Variants in NXN observed in about 807,000 individuals in gnomAD.
NXN encodes the protein nucleoredoxin 1.
A neutral mutation model predicts 48.6 loss-of-function variants in NXN; 16 were observed. The ratio of observed to expected loss-of-function variants is 0.33; its 90% CI spans 0.22 to 0.50. NXN has a LOEUF of 0.50. Among genes scored for constraint, NXN ranks in the 20% least tolerant of loss-of-function variants. The probability of loss-of-function intolerance (pLI) is 0.98; values close to 1 mark genes in which losing one functional copy is unlikely to be tolerated. For missense variants in NXN, 492 were observed against 605.5 expected (o/e 0.81, Z 1.97); for synonymous variants, 281 against 269.6 (o/e 1.04, Z -0.41).
At chr17:860,710 T>C (rs1206843565) in intron 1 of NXN, among the ~76,000 whole-genome samples, 1 of 152,246 alleles carries the variant, frequency 6.6e-6, no homozygotes, top group Non-Finnish European at 1.5e-5. Flanking sequence ...GTTTTGACTT[T>C]TGAACCTCGT....
intron 1 of NXN, among the ~76,000 whole-genome samples, chr17:834,075 T>G (rs1406349121): frequency 6.6e-6 from 1 of 152,156 alleles, no homozygotes; most frequent in Non-Finnish European, 1.5e-5. Flanking sequence ...ATCCCAGCAC[T>G]CTGGGGGGAC....
chr17:854,456 G>A (rs896105544), intron 1 of NXN, among the ~76,000 whole-genome samples: 4 of 148,488 alleles, frequency 2.7e-5, no homozygotes, highest in African/African-American at 1.0e-4. Flanking sequence ...AGACCATCCT[G>A]GCTAACACGG....
chr17:804,995 C>G (rs1303552236), intron 6 of NXN, 73 bp downstream of exon 6: 1 of 1,458,918 alleles, frequency 6.9e-7, no homozygotes, highest in Non-Finnish European at 9.4e-7. Context: ...CAGGGACAGG[C>G]TCCTCCCAAG....
intron 1 of NXN, among the ~76,000 whole-genome samples, chr17:839,825 G>A (rs372085623): frequency 1.1e-5 from 1 of 87,892 alleles, no homozygotes; most frequent in Non-Finnish European, 2.2e-5. Context: ...GGCCAGGCAC[G>A]GTGGCTCACA....
At chr17:848,174 G>A (rs1360442418) in intron 1 of NXN, among the ~76,000 whole-genome samples, 1 of 151,666 alleles carries the variant, frequency 6.6e-6, no homozygotes. Context: ...GTCCTGCCGT[G>A]TCGCCCACGC....
In NXN at chr17:895,608, C is replaced by T. The variant is rs544446727; in HGVS notation, c.361-69530G>A. Among the ~76,000 whole-genome samples the T allele has an allele frequency of 6.0e-5, 9 of 149,298 alleles. 1 individual carries two copies. The highest frequency in any genetic ancestry group is 2.0e-4 in the Admixed American group (3 of 14,960). Reference sequence around the variant, plus strand: ...TGGGCGGATCACAGGGTCAGGAGATCAAGACCATCCTGGCTAACACGGTGA... The same window carrying T: ...TGGGCGGATCACAGGGTCAGGAGATTAAGACCATCCTGGCTAACACGGTGA... On this transcript the variant is annotated intron_variant, in intron 1 of 7. Transcript: ENST00000336868.
intron 1 of NXN, among the ~76,000 whole-genome samples, chr17:874,064 T>C (rs1377786691): frequency 1.3e-5 from 2 of 152,100 alleles, no homozygotes; most frequent in Non-Finnish European, 2.9e-5. Flanking sequence ...TGGTGGATGG[T>C]CATTGAATCA....
At chr17:973,975 G>A (rs1331392808) in intron 1 of NXN, among the ~76,000 whole-genome samples, 1 of 151,324 alleles carries the variant, frequency 6.6e-6, no homozygotes, top group Non-Finnish European at 1.5e-5. Context: ...CACAGTGCCC[G>A]GCCATTGTAG....
rs576407338 is a variant in NXN, at chr17:928,784, C to T, written c.360+50535G>A. 8.3e-4 allele frequency among the ~76,000 whole-genome samples: 126 copies of T among 152,092 alleles called. 2 individuals are homozygous for T. Among genetic ancestry groups the T allele is most frequent in the South Asian group, 2.1e-3 (10 of 4,824 alleles). On this transcript the variant is annotated intron_variant, in intron 1 of 7. Coordinates refer to ENST00000336868, the MANE Select transcript of NXN (RefSeq NM_022463.5). The stretch of plus-strand genomic sequence containing the variant: ...CCGGGAGGCGGAGTTTGCAGTGAGC[C>T]GAGATCATGCCACTGCGCTCCAGCC...
intron 1 of NXN, among the ~76,000 whole-genome samples, chr17:972,866 C>T (rs573469411): frequency 1.1e-3 from 172 of 152,058 alleles, no homozygotes; most frequent in Non-Finnish European, 2.2e-3. Context: ...CCCGTCTCTA[C>T]TAATAATACA....
chr17:959,005 C>A, intron 1 of NXN: 1 of 226,866 alleles, frequency 4.4e-6, no homozygotes. Context: ...AAGAAAGAAT[C>A]ATGCGGATGT....
chr17:934,007 A>G (rs1032823152), intron 1 of NXN, among the ~76,000 whole-genome samples: 2 of 152,308 alleles, frequency 1.3e-5, no homozygotes, highest in South Asian at 4.1e-4. Flanking sequence ...AAAACAAATG[A>G]CACGATGTTC....
intron 1 of NXN, among the ~76,000 whole-genome samples, chr17:897,219 A>C (rs535056321): frequency 1.3e-5 from 2 of 152,354 alleles, no homozygotes; most frequent in Admixed American, 1.3e-4. Flanking sequence ...AAAGGGAGGC[A>C]GAGGTTAAGG....
chr17:889,761 A>AAGAAAGAAAGAAAAAG (rs1555619043), intron 1 of NXN, among the ~76,000 whole-genome samples: 3 of 70,828 alleles, frequency 4.2e-5, no homozygotes, highest in African/African-American at 1.9e-4. Context: ...GAAAGAAAGA[A>AAGAAAGAAAGAAAAAG]AAAGAAAGAA....
In NXN at chr17:952,174, TG is replaced by T. The variant is rs56071905; in HGVS notation, c.360+27144del. 4.1e-5 allele frequency among the ~76,000 whole-genome samples: 4 copies of T among 96,638 alleles called. No individual in the cohort carries two copies. In the East Asian group the frequency reaches 1.1e-3, roughly 26 times the overall value. 63.4% of individuals were successfully genotyped at this position (96,638 alleles called of 152,430 possible). A position where few individuals can be genotyped will look rare whatever the true frequency, so the allele number is the denominator to read the frequency against. On this transcript the variant is annotated intron_variant, in intron 1 of 7. Transcript: ENST00000336868. ...GTTGCAGAAAATTCAGGTCACACTG[TG>T]GGGGGGCTGGGGTCAGAGAGACCAA...
At chr17:854,885 G>A (rs972958535) in intron 1 of NXN, among the ~76,000 whole-genome samples, 2 of 151,572 alleles carry the variant, frequency 1.3e-5, no homozygotes, top group Admixed American at 6.6e-5. Flanking sequence ...CTTGAACCCA[G>A]GAGGCGGAGG....
chr17:874,311 C>T (rs2068191404), intron 1 of NXN, among the ~76,000 whole-genome samples: 2 of 152,148 alleles, frequency 1.3e-5, no homozygotes, highest in African/African-American at 2.4e-5. Context: ...CAGTCTCAGC[C>T]GGGCACGGTG....
At chr17:817,816 A>G (rs373581146) in intron 5 of NXN, among the ~76,000 whole-genome samples, 1 of 152,116 alleles carries the variant, frequency 6.6e-6, no homozygotes, top group Non-Finnish European at 1.5e-5. Flanking sequence ...TACAGCTGAC[A>G]AGCATCTGCC....
intron 1 of NXN, among the ~76,000 whole-genome samples, chr17:851,758 T>C (rs950745470): frequency 2.0e-5 from 3 of 152,222 alleles, no homozygotes; most frequent in African/African-American, 7.2e-5. Flanking sequence ...TATATTGCTA[T>C]TGTAAGTGGA....
Sources: gnomAD v4.1 joint callset for allele counts (sites outside exome capture counted in the v4.1 genomes callset) on GRCh38, gnomAD v4.1.1 for gene constraint, MANE v1.5 for transcripts, NCBI Gene and HGNC (gene_info 2026-07-23, HGNC 2026-07-21) for gene names.